The following CDH13 variants were observed in gnomAD, a reference collection of about 807,000 sequenced individuals.
CDH13 encodes cadherin 13, also known as cadherin-13.
In CDH13, 24 loss-of-function variants were observed where a neutral mutation model predicts 63.8. The ratio of observed to expected loss-of-function variants is 0.38; its 90% CI spans 0.27 to 0.53. CDH13 has a LOEUF of 0.53. CDH13 is among the 20% of genes least tolerant of loss of function. The probability of loss-of-function intolerance (pLI) is 0.85; values close to 1 mark genes in which losing one functional copy is unlikely to be tolerated. For missense variants in CDH13, 1,049 were observed against 903.1 expected, an observed-to-expected ratio of 1.16 and a Z score of -2.07; for synonymous variants, 503 against 355.3, an observed-to-expected ratio of 1.42 and a Z score of -4.67.
chr16:83,041,750 G>T (rs1161582090), intron 3 of CDH13, among the ~76,000 whole-genome samples: 1 of 152,178 alleles, frequency 6.6e-6, no homozygotes, highest in Non-Finnish European at 1.5e-5. Flanking sequence ...TCAGCCACAT[G>T]ATACTGAAAA....
intron 10 of CDH13, among the ~76,000 whole-genome samples, chr16:83,696,088 G>A (rs35181424): frequency 0.14 from 21,568 of 151,722 alleles, 1,532 homozygotes; most frequent in African/African-American, 0.18. Flanking sequence ...ATGGGGTTTC[G>A]CCATGTTGCC....
chr16:83,271,422 T>TAAAAAAAAAAAAAAAAAAAAAAAAAAA lies in CDH13; in HGVS notation c.636+53929_636+53955dup, dbSNP rs56382330. On this transcript the variant is annotated intron_variant, in intron 5 of 13. Coordinates refer to ENST00000567109, the MANE Select transcript of CDH13 (RefSeq NM_001257.5). Reference sequence around the variant, plus strand: ...CTACCGCACATTGAGGCAGAGTTCATAAAAAAAAAAAAAAAAAAAAAAAAA... The same window carrying TAAAAAAAAAAAAAAAAAAAAAAAAAAA: ...CTACCGCACATTGAGGCAGAGTTCATAAAAAAAAAAAAAAAAAAAAAAAAAAAAAAAAAAAAAAAAAAAAAAAAAAAA... 4.6e-4 allele frequency among the ~76,000 whole-genome samples: 12 copies of TAAAAAAAAAAAAAAAAAAAAAAAAAAA among 26,030 alleles called. 3 individuals carry two copies. Among genetic ancestry groups the TAAAAAAAAAAAAAAAAAAAAAAAAAAA allele is most frequent in the Admixed American group, 1.5e-3 (2 of 1,306 alleles). 17.1% of individuals were successfully genotyped at this position (26,030 alleles called of 152,430 possible).
intron 7 of CDH13, among the ~76,000 whole-genome samples, chr16:83,563,126 G>A (rs909298080): frequency 5.9e-5 from 9 of 152,326 alleles, no homozygotes; most frequent in African/African-American, 2.2e-4. Flanking sequence ...ACTTCTCCCT[G>A]TTGCGACATT....
intron 4 of CDH13, among the ~76,000 whole-genome samples, chr16:83,211,079 C>T (rs1168003371): frequency 6.7e-6 from 1 of 149,222 alleles, no homozygotes; most frequent in South Asian, 2.1e-4. Flanking sequence ...AACCAGGAGG[C>T]AGAGGTTGCA....
chr16:83,748,023 C>A, intron 10 of CDH13, 85 bp from the exon 11 acceptor site: 1 of 1,421,656 alleles, frequency 7.0e-7, no homozygotes, highest in Non-Finnish European at 9.9e-7. Context: ...CAGCACCTAG[C>A]CTAGGAGCTC....
At chr16:82,685,755 A>G (rs1027977024) in intron 1 of CDH13, among the ~76,000 whole-genome samples, 1 of 152,160 alleles carries the variant, frequency 6.6e-6, no homozygotes, top group African/African-American at 2.4e-5. Context: ...ATCTCTTCCT[A>G]TGTGCCCTCA....
chr16:83,131,182 ACCCCCCCCCCCCC>A (rs1173636265), intron 4 of CDH13, among the ~76,000 whole-genome samples: 2 of 86,350 alleles, frequency 2.3e-5, no homozygotes, highest in African/African-American at 7.1e-5. Context: ...GGGGTGTATG[ACCCCCCCCCCCCC>A]CCCCCCGCCC....
At chr16:83,160,958 G>A (rs2151710774) in intron 4 of CDH13, among the ~76,000 whole-genome samples, 1 of 152,244 alleles carries the variant, frequency 6.6e-6, no homozygotes, top group Middle Eastern at 3.4e-3. Context: ...TTCCTGTTAG[G>A]GCAGAAATTG....
chr16:82,893,896 TC>T (rs1215947484), intron 2 of CDH13, among the ~76,000 whole-genome samples: 1 of 152,032 alleles, frequency 6.6e-6, no homozygotes, highest in Non-Finnish European at 1.5e-5. Flanking sequence ...GTGACATCAT[TC>T]CCCCGTCCTC....
intron 7 of CDH13, among the ~76,000 whole-genome samples, chr16:83,499,753 G>C (rs2074227520): frequency 6.6e-6 from 1 of 152,158 alleles, no homozygotes; most frequent in African/African-American, 2.4e-5. Context: ...GTATTTTCTA[G>C]TTTGGGTGCA....
chr16:83,359,784 G>A (rs1175581935), intron 6 of CDH13, among the ~76,000 whole-genome samples: 2 of 152,148 alleles, frequency 1.3e-5, no homozygotes, highest in Non-Finnish European at 2.9e-5. Flanking sequence ...CAGTTTTAAT[G>A]AGATATCATT....
chr16:83,626,542 C>T (rs1253428666), intron 8 of CDH13, among the ~76,000 whole-genome samples: 10 of 152,106 alleles, frequency 6.6e-5, no homozygotes, highest in Admixed American at 6.6e-4. Context: ...GGTTTCCAAA[C>T]CTGGACTGGG....
intron 5 of CDH13, among the ~76,000 whole-genome samples, chr16:83,293,258 T>G (rs2089506873): frequency 6.6e-6 from 1 of 152,216 alleles, no homozygotes; most frequent in South Asian, 2.1e-4. Context: ...CTTCATTAAA[T>G]TATTTTTAAT....
At chr16:83,585,980 C>A (rs1049006350) in intron 7 of CDH13, among the ~76,000 whole-genome samples, 4 of 152,150 alleles carry the variant, frequency 2.6e-5, no homozygotes, top group Admixed American at 6.5e-5. Flanking sequence ...ACAAAAGAAT[C>A]CTCAACTGCA....
intron 1 of CDH13, among the ~76,000 whole-genome samples, chr16:82,709,859 A>C (rs1184898061): frequency 2.0e-5 from 3 of 152,120 alleles, no homozygotes; most frequent in Non-Finnish European, 4.4e-5. Context: ...TCAACAAAGA[A>C]AGGCAAAACA....
At chr16:83,709,891 C>A (rs749202008) in intron 10 of CDH13, among the ~76,000 whole-genome samples, 1 of 152,226 alleles carries the variant, frequency 6.6e-6, no homozygotes, top group Non-Finnish European at 1.5e-5. Context: ...CCACCTCTCT[C>A]TAGTCATTGG....
intron 1 of CDH13, among the ~76,000 whole-genome samples, chr16:82,778,424 G>T (rs2035595446): frequency 6.6e-6 from 1 of 151,990 alleles, no homozygotes; most frequent in Non-Finnish European, 1.5e-5. Flanking sequence ...TTTCCACGTT[G>T]CTGCTATGTA....
intron 4 of CDH13, among the ~76,000 whole-genome samples, chr16:83,151,617 T>C (rs1382457997): frequency 6.6e-6 from 1 of 152,172 alleles, no homozygotes; most frequent in Non-Finnish European, 1.5e-5. Flanking sequence ...ATCACTTATT[T>C]TTCAAGGATA....
intron 7 of CDH13, among the ~76,000 whole-genome samples, chr16:83,490,018 C>CAG (rs1218189829): frequency 7.4e-6 from 1 of 135,892 alleles, no homozygotes; most frequent in Non-Finnish European, 1.6e-5. Flanking sequence ...ACCACACACA[C>CAG]ACACACACAC....
Sources: allele counts gnomAD v4.1 joint callset (sites outside exome capture counted in the v4.1 genomes callset), GRCh38; gene constraint gnomAD v4.1.1; transcripts MANE v1.5; gene names NCBI Gene and HGNC (gene_info 2026-07-23, HGNC 2026-07-21).